NUBPL: variants seen among roughly 807,000 people sequenced by gnomAD.
NUBPL encodes iron-sulfur cluster transfer protein NUBPL.
A neutral mutation model predicts 45.7 loss-of-function variants in NUBPL; 31 were observed. The ratio of observed to expected loss-of-function variants is 0.68; its 90% CI spans 0.51 to 0.92. The LOEUF is 0.92. NUBPL is among the 40% of genes least tolerant of loss of function. NUBPL has a pLI of 0.00. For synonymous variants in NUBPL, 144 were observed against 140.9 expected (o/e 1.02, Z -0.15); for missense variants, 401 against 398.7 (o/e 1.01, Z -0.05).
In NUBPL at chr14:31,818,241, C is replaced by T. The variant is rs148546726; in HGVS notation, c.608-8388C>T. ...TTAGCACCCCACTGTCAATATTAGACAGAACAACGTGACAGAAAATTAACA... is the reference window on the plus strand; with the variant it reads ...TTAGCACCCCACTGTCAATATTAGATAGAACAACGTGACAGAAAATTAACA... On this transcript the variant is annotated intron_variant, in intron 7 of 10. Coordinates refer to ENST00000281081, the MANE Select transcript of NUBPL (RefSeq NM_025152.3). Among the ~76,000 whole-genome samples the T allele has an allele frequency of 1.3e-5, 2 of 152,268 alleles. 1 individual carries two copies. Among genetic ancestry groups the T allele is most frequent in the African/African-American group, 4.8e-5 (2 of 41,548 alleles).
chr14:31,631,909 C>T (rs1376782374), intron 4 of NUBPL, among the ~76,000 whole-genome samples: 2 of 152,038 alleles, frequency 1.3e-5, no homozygotes, highest in African/African-American at 4.8e-5. Flanking sequence ...TAATATTTAA[C>T]CAAATTTATG....
intron 6 of NUBPL, among the ~76,000 whole-genome samples, chr14:31,720,712 A>G (rs1354635417): frequency 6.6e-6 from 1 of 152,160 alleles, no homozygotes; most frequent in African/African-American, 2.4e-5. Flanking sequence ...TTTTAAATTA[A>G]AGTAAAATAA....
chr14:31,707,188 C>G (rs1230930659), intron 6 of NUBPL, among the ~76,000 whole-genome samples: 1 of 152,182 alleles, frequency 6.6e-6, no homozygotes, highest in Admixed American at 6.5e-5. Flanking sequence ...AGGAAACCTG[C>G]TGGGTTAAGA....
In NUBPL at chr14:31,647,126, A is replaced by G. The variant is rs146677686; in HGVS notation, c.383-26229A>G. 4.0e-3 allele frequency among the ~76,000 whole-genome samples: 604 copies of G among 152,016 alleles called. 4 individuals carry two copies. Among genetic ancestry groups the G allele is most frequent in the African/African-American group, 0.014 (569 of 41,444 alleles). Reference sequence around the variant, plus strand: ...GACTTGTTTTTCTGTGTTATCTTGGAGATCACTGAGTTTCCTTAAAAGTGC... The same window carrying G: ...GACTTGTTTTTCTGTGTTATCTTGGGGATCACTGAGTTTCCTTAAAAGTGC... On this transcript the variant is annotated intron_variant, in intron 4 of 10. Transcript: ENST00000281081.
chr14:31,742,660 G>A (rs2038310588), intron 6 of NUBPL, among the ~76,000 whole-genome samples: 1 of 152,130 alleles, frequency 6.6e-6, no homozygotes, highest in African/African-American at 2.4e-5. Context: ...CTAGAGTGCA[G>A]TGACATGAGC....
intron 6 of NUBPL, among the ~76,000 whole-genome samples, chr14:31,712,483 G>A (rs1479666377): frequency 6.6e-6 from 1 of 152,230 alleles, no homozygotes; most frequent in Non-Finnish European, 1.5e-5. Context: ...TGTGAGTGAG[G>A]CACGCAGCCC....
rs139116153 is a variant in NUBPL at position 31,779,477 on chromosome 14, A to G, written c.514-8303A>G. 2.8e-4 allele frequency among the ~76,000 whole-genome samples: 42 copies of G among 152,276 alleles called. No homozygotes were observed. In the East Asian group the frequency reaches 7.0e-3, roughly 25 times the overall value. ...CATAACTATCTTCTCTATGGCTTTT[A>G]CAAGGAAGAGACAGCATCAACTGCT... On this transcript the variant is annotated intron_variant, in intron 6 of 10. Coordinates refer to ENST00000281081, the MANE Select transcript of NUBPL (RefSeq NM_025152.3).
chr14:31,765,208 A>C (rs2138742047), intron 6 of NUBPL, among the ~76,000 whole-genome samples: 1 of 152,296 alleles, frequency 6.6e-6, no homozygotes, highest in East Asian at 1.9e-4. Flanking sequence ...TTAAAATTGT[A>C]TTTTGGCCCA....
intron 7 of NUBPL, among the ~76,000 whole-genome samples, chr14:31,793,058 T>C (rs1351446366): frequency 6.6e-6 from 1 of 152,206 alleles, no homozygotes; most frequent in African/African-American, 2.4e-5. Context: ...TCATTGACTT[T>C]AGAACTCTTT....
intron 3 of NUBPL, among the ~76,000 whole-genome samples, chr14:31,566,603 A>G (rs1166727612): frequency 6.6e-6 from 1 of 152,106 alleles, no homozygotes; most frequent in Non-Finnish European, 1.5e-5. Flanking sequence ...GTGGCCTGCC[A>G]AAAGTGTCCA....
At chr14:31,679,739 C>A (rs542048768) in intron 6 of NUBPL, among the ~76,000 whole-genome samples, 79 of 151,960 alleles carry the variant, frequency 5.2e-4, no homozygotes, top group Non-Finnish European at 9.3e-4. Flanking sequence ...GCTCTAGTTT[C>A]TTTTACTTTT....
chr14:31,698,902 T>C (rs2037272795), intron 6 of NUBPL, among the ~76,000 whole-genome samples: 1 of 151,998 alleles, frequency 6.6e-6, no homozygotes, highest in Non-Finnish European at 1.5e-5. Context: ...TCACCCAGGC[T>C]GGAGTGCAGT....
intron 6 of NUBPL, among the ~76,000 whole-genome samples, chr14:31,725,173 T>C (rs1225965237): frequency 6.6e-6 from 1 of 151,942 alleles, no homozygotes; most frequent in Non-Finnish European, 1.5e-5. Flanking sequence ...GATTGAAAGG[T>C]AGAGGTTAGG....
intron 4 of NUBPL, among the ~76,000 whole-genome samples, chr14:31,667,603 G>A (rs1372695402): frequency 6.6e-6 from 1 of 152,096 alleles, no homozygotes; most frequent in African/African-American, 2.4e-5. Flanking sequence ...TTGGAGAGGA[G>A]TTGTGATTAC....
intron 4 of NUBPL, among the ~76,000 whole-genome samples, chr14:31,659,818 C>G (rs933718079): frequency 2.6e-5 from 4 of 152,118 alleles, no homozygotes; most frequent in African/African-American, 4.8e-5. Flanking sequence ...CTAATGCAGT[C>G]TGTCCACATG....
chr14:31,716,644 C>A (rs1190538341), intron 6 of NUBPL, among the ~76,000 whole-genome samples: 1 of 152,182 alleles, frequency 6.6e-6, no homozygotes, highest in African/African-American at 2.4e-5. Flanking sequence ...AAAACCTCTG[C>A]AATTCATCTC....
intron 6 of NUBPL, among the ~76,000 whole-genome samples, chr14:31,733,212 C>A (rs540976356): frequency 6.6e-4 from 101 of 152,202 alleles, no homozygotes; most frequent in African/African-American, 2.3e-3. Flanking sequence ...GATAGATATC[C>A]CTCGTATGGA....
At chr14:31,828,841 G>A (rs541277699) in intron 8 of NUBPL, among the ~76,000 whole-genome samples, 1 of 152,258 alleles carries the variant, frequency 6.6e-6, no homozygotes, top group Non-Finnish European at 1.5e-5. Context: ...AAGACAGAGG[G>A]TTGGACAGAT....
intron 6 of NUBPL, among the ~76,000 whole-genome samples, chr14:31,784,471 G>C (rs1455443416): frequency 6.6e-6 from 1 of 152,116 alleles, no homozygotes; most frequent in Non-Finnish European, 1.5e-5. Context: ...ACAAAACATT[G>C]AAACATTGTA....
Sources: allele counts gnomAD v4.1 joint callset (sites outside exome capture counted in the v4.1 genomes callset), GRCh38; gene constraint gnomAD v4.1.1; transcripts MANE v1.5; gene names NCBI Gene and HGNC (gene_info 2026-07-23, HGNC 2026-07-21).